Variants in ICA1L observed in about 807,000 individuals in gnomAD.
ICA1L encodes islet cell autoantigen 1-like protein.
Under a neutral mutation model 61.3 loss-of-function variants are expected in ICA1L, and 50 were observed. The ratio of observed to expected loss-of-function variants is 0.82; its 90% CI spans 0.65 to 1.03. ICA1L has a LOEUF of 1.03. ICA1L is among the 50% of genes least tolerant of loss of function. The probability of loss-of-function intolerance (pLI) is 0.00; values close to 1 mark genes in which losing one functional copy is unlikely to be tolerated. For missense variants in ICA1L, 508 were observed against 556.7 expected, an observed-to-expected ratio of 0.91 and a Z score of 0.88; for synonymous variants, 161 against 191.3, an observed-to-expected ratio of 0.84 and a Z score of 1.31.
At position 202,778,068 on chromosome 2, in the gene ICA1L, G is replaced by T. The variant is rs1029551988; in HGVS notation, c.*1465C>A. On this transcript the variant is annotated 3_prime_UTR_variant, in exon 13 of 13. Coordinates refer to ENST00000358299, the MANE Select transcript of ICA1L (RefSeq NM_001288622.3). Reference sequence around the variant, plus strand: ...GCTAATTTTTTGTATTTTTAGTAGAGACGGGGTTTCACCATGTTAGCCAGG... The same window carrying T: ...GCTAATTTTTTGTATTTTTAGTAGATACGGGGTTTCACCATGTTAGCCAGG... The T allele has an allele frequency of 6.6e-6, 1 of 151,968 alleles. No individual in the cohort carries two copies. The highest frequency in any genetic ancestry group is 1.5e-5 in the Non-Finnish European group (1 of 68,042). 9.4% of individuals were successfully genotyped at this position (151,968 alleles called of 1,614,324 possible).
rs570975112 is a variant in ICA1L at position 202,819,779 on chromosome 2, T to C, written c.480A>G (p.Arg160=). 5 of 1,613,990 alleles carry C rather than the reference T, an allele frequency of 3.1e-6. No individual in the cohort carries two copies. The African/African-American group carries it at 6.7e-5, about 22-fold the overall frequency. The change falls in exon 5 of 13, where the codon AGA becomes AGG. Residue 160 remains arginine, a synonymous_variant. Coordinates refer to ENST00000358299, the MANE Select transcript of ICA1L (RefSeq NM_001288622.3). Reference sequence around the variant, plus strand: ...CATCTTTCATCCACAGTAGAGCTCCTCTGTATTCTGTGCGTGCCTGCTCCA... The same window carrying C: ...CATCTTTCATCCACAGTAGAGCTCCCCTGTATTCTGTGCGTGCCTGCTCCA... The part of the protein sequence containing the change: ...NRMEQARTEY[R]GALLWMKDVS...
chr2:202,848,273 T>G (rs1694521395), intron 1 of ICA1L, among the ~76,000 whole-genome samples: 3 of 152,210 alleles, frequency 2.0e-5, no homozygotes, highest in Non-Finnish European at 4.4e-5. Context: ...AAACAGCATA[T>G]TTTTAAACTT....
intron 7 of ICA1L, among the ~76,000 whole-genome samples, chr2:202,815,357 C>T (rs1693503268): frequency 1.3e-5 from 2 of 152,172 alleles, no homozygotes; most frequent in Non-Finnish European, 2.9e-5. Context: ...CAGCCAGCAA[C>T]ACTTTCAAGC....
At chr2:202,793,509 A>T (rs1481384368) in intron 10 of ICA1L, among the ~76,000 whole-genome samples, 1 of 147,060 alleles carries the variant, frequency 6.8e-6, no homozygotes, top group Non-Finnish European at 1.5e-5. Context: ...AAAAAAAAAA[A>T]AAAAAAAAAA....
intron 5 of ICA1L, among the ~76,000 whole-genome samples, chr2:202,818,800 C>CT (rs1452509902): frequency 1.3e-5 from 2 of 152,196 alleles, no homozygotes; most frequent in Admixed American, 6.5e-5. Flanking sequence ...TATTAAATCT[C>CT]TTTATCTTCC....
Position 202,773,802 on chromosome 2 carries a change from A to C in ICA1L, c.*5731T>G. On this transcript the variant is annotated 3_prime_UTR_variant, in exon 13 of 13. Coordinates refer to ENST00000358299, the MANE Select transcript of ICA1L (RefSeq NM_001288622.3). ...CACCGGTATGGTAATAGGCAAGAGCAGGCTGTAAAAGCAAAGGCTAGCTGT... is the reference window on the plus strand; with the variant it reads ...CACCGGTATGGTAATAGGCAAGAGCCGGCTGTAAAAGCAAAGGCTAGCTGT... The C allele has an allele frequency of 7.2e-7, 1 of 1,394,804 alleles. No homozygotes were observed. The highest frequency in any genetic ancestry group is 1.2e-5 in the South Asian group (1 of 86,370). 86.4% of individuals were successfully genotyped at this position (1,394,804 alleles called of 1,614,324 possible). A position where few individuals can be genotyped will look rare whatever the true frequency, so the allele number is the denominator to read the frequency against.
intron 1 of ICA1L, among the ~76,000 whole-genome samples, chr2:202,845,074 T>C (rs1428884834): frequency 6.6e-6 from 1 of 152,244 alleles, no homozygotes; most frequent in Non-Finnish European, 1.5e-5. Flanking sequence ...CTGACCTTTC[T>C]GCCTTCCCCT....
At chr2:202,839,095 A>G (rs1039061309) in intron 1 of ICA1L, among the ~76,000 whole-genome samples, 2 of 152,130 alleles carry the variant, frequency 1.3e-5, no homozygotes, top group Non-Finnish European at 2.9e-5. Flanking sequence ...TATCCAAACC[A>G]TATCGGTGTA....
chr2:202,824,703 C>A (rs1432232099), intron 3 of ICA1L, among the ~76,000 whole-genome samples: 1 of 152,030 alleles, frequency 6.6e-6, no homozygotes, highest in Non-Finnish European at 1.5e-5. Context: ...AGAGGAGAAG[C>A]TTTTAGGAGG....
intron 11 of ICA1L, 78 bp downstream of exon 11, chr2:202,788,752 T>C: frequency 8.3e-6 from 12 of 1,448,354 alleles, no homozygotes; most frequent in Non-Finnish European, 1.2e-5. Flanking sequence ...TTGTTGGTTC[T>C]AGCATCAATA....
rs571961785 is a variant in ICA1L, at chr2:202,788,044, C to T, written c.1243+786G>A. Among the ~76,000 whole-genome samples, 6 of 152,272 alleles carry T rather than the reference C, an allele frequency of 3.9e-5. No homozygotes were observed. The South Asian group carries it at 6.2e-4, about 16-fold the overall frequency. ...AGCACTCAGTGTGATTATAGAAAAC[C>T]GCAAGTATTCTTCCTTCACTTCAGT... On this transcript the variant is annotated intron_variant, in intron 11 of 12. Transcript: ENST00000358299.
chr2:202,774,124 C>G lies in ICA1L; in HGVS notation c.*5409G>C. 7.4e-7 allele frequency: 1 copy of G among 1,346,378 alleles called. No homozygotes were observed. The highest frequency in any genetic ancestry group is 2.0e-5 in the Admixed American group (1 of 48,952). The allele number at this position is 1,346,378 out of a possible 1,614,324, so 83.4% of individuals were successfully genotyped here. A position where few individuals can be genotyped will look rare whatever the true frequency, so the allele number is the denominator to read the frequency against. On this transcript the variant is annotated 3_prime_UTR_variant, in exon 13 of 13. Transcript: ENST00000358299. The stretch of plus-strand genomic sequence containing the variant: ...CAATGATTGGATAAGCTATTCTCAA[C>G]TCTTCATTAATCAATTCATTTGTTG...
intron 11 of ICA1L, 138 bp downstream of exon 11, chr2:202,788,692 T>A: frequency 1.2e-6 from 1 of 829,762 alleles, no homozygotes; most frequent in South Asian, 1.7e-5. Context: ...TCCAGTTGAT[T>A]GGTGGACTGC....
chr2:202,812,374 C>T (rs957955650), intron 8 of ICA1L, among the ~76,000 whole-genome samples: 2 of 152,064 alleles, frequency 1.3e-5, no homozygotes, highest in South Asian at 4.1e-4. Context: ...GTCAGGAATT[C>T]GAGACCAGCC....
chr2:202,786,128 G>A, intron 11 of ICA1L, 121 bp from the exon 12 acceptor site: 1 of 582,048 alleles, frequency 1.7e-6, no homozygotes, highest in Non-Finnish European at 3.0e-6. Flanking sequence ...GATTCTATAA[G>A]AGGTATAAAA....
At chr2:202,867,482 A>C (rs1296541888) in intron 1 of ICA1L, among the ~76,000 whole-genome samples, 1 of 152,216 alleles carries the variant, frequency 6.6e-6, no homozygotes, top group Non-Finnish European at 1.5e-5. Flanking sequence ...TTGTGTATCT[A>C]AACATGTCTA....
intron 1 of ICA1L, among the ~76,000 whole-genome samples, chr2:202,865,723 A>G (rs1177263903): frequency 2.0e-5 from 3 of 152,204 alleles, no homozygotes; most frequent in Non-Finnish European, 2.9e-5. Context: ...TTCAGCAATT[A>G]GTGAATTAGA....
intron 8 of ICA1L, among the ~76,000 whole-genome samples, chr2:202,813,240 A>C (rs1439648619): frequency 8.6e-5 from 13 of 150,786 alleles, no homozygotes. Flanking sequence ...AGCCTGGAGA[A>C]AAAGAGTGAG....
chr2:202,812,046 A>G (rs1375862275), intron 8 of ICA1L, among the ~76,000 whole-genome samples: 2 of 152,128 alleles, frequency 1.3e-5, no homozygotes, highest in Admixed American at 6.6e-5. Flanking sequence ...TCAGTACTCA[A>G]TCTTCAAGAA....
Sources: allele counts gnomAD v4.1 joint callset (sites outside exome capture counted in the v4.1 genomes callset), GRCh38; gene constraint gnomAD v4.1.1; transcripts MANE v1.5; gene names NCBI Gene and HGNC (gene_info 2026-07-23, HGNC 2026-07-21).